Variants in DNAJA2 observed in about 807,000 individuals in gnomAD.
DNAJA2 encodes the protein DnaJ heat shock protein family (Hsp40) member A2, also known as dnaJ homolog subfamily A member 2.
DNAJA2 carries 6 observed loss-of-function variants against 49.3 expected under a neutral mutation model. That is an observed-to-expected ratio of 0.12 (90% CI 0.07 to 0.24). The LOEUF is 0.24. Ranked by LOEUF, DNAJA2 falls within the 10% of genes least tolerant of loss-of-function variation. The pLI, the probability that DNAJA2 is intolerant of heterozygous loss-of-function variation, is 1.00. For synonymous variants in DNAJA2, 160 were observed against 172.7 expected (o/e 0.93, Z 0.58); for missense variants, 347 against 516.8 (o/e 0.67, Z 3.19).
chr16:46,970,232 G>A (rs1168803997), intron 3 of DNAJA2, among the ~76,000 whole-genome samples: 1 of 152,196 alleles, frequency 6.6e-6, no homozygotes, highest in Non-Finnish European at 1.5e-5. Context: ...ATACTGGAGA[G>A]GGCTTGTGGA....
intron 3 of DNAJA2, among the ~76,000 whole-genome samples, chr16:46,969,079 T>C (rs1367388674): frequency 6.6e-6 from 1 of 152,132 alleles, no homozygotes; most frequent in Non-Finnish European, 1.5e-5. Flanking sequence ...GGCATCATGA[T>C]GGTGCTCAAA....
intron 6 of DNAJA2, among the ~76,000 whole-genome samples, chr16:46,961,939 GAC>G (rs1423466497): frequency 2.0e-5 from 3 of 151,436 alleles, no homozygotes; most frequent in Non-Finnish European, 4.4e-5. Flanking sequence ...AGACCACCGA[GAC>G]ACACAAACAG....
At chr16:46,965,005 A>T (rs1020886116) in intron 5 of DNAJA2, among the ~76,000 whole-genome samples, 198 bp from the exon 6 acceptor site, 2 of 152,084 alleles carry the variant, frequency 1.3e-5, no homozygotes, top group African/African-American at 2.4e-5. Flanking sequence ...GGATCACTTG[A>T]GCTCAGGATC....
chr16:46,960,857 T>C (rs1051830512), intron 6 of DNAJA2, among the ~76,000 whole-genome samples: 1 of 151,122 alleles, frequency 6.6e-6, no homozygotes, highest in African/African-American at 2.4e-5. Context: ...AACAGCAACA[T>C]AGGGAGACAA....
intron 6 of DNAJA2, among the ~76,000 whole-genome samples, chr16:46,960,180 C>G (rs1484735511): frequency 6.6e-6 from 1 of 152,210 alleles, no homozygotes; most frequent in Non-Finnish European, 1.5e-5. Context: ...CTATGTTACT[C>G]TCCTAAATTT....
intron 4 of DNAJA2, 60 bp from the exon 5 acceptor site, chr16:46,967,706 G>T: frequency 1.2e-6 from 2 of 1,603,638 alleles, no homozygotes; most frequent in Middle Eastern, 1.7e-4. Context: ...AATAAGCTAT[G>T]ACACACAGAA....
rs142166711 is a variant in DNAJA2, at chr16:46,958,617, C to A, written c.1047+386G>T. 581 of 162,006 alleles carry A rather than the reference C, an allele frequency of 3.6e-3. 3 individuals carry two copies. The highest frequency in any genetic ancestry group is 5.2e-3 in the Non-Finnish European group (393 of 75,902). 10.0% of individuals were successfully genotyped at this position (162,006 alleles called of 1,614,324 possible). On this transcript the variant is annotated intron_variant, in intron 8 of 8. Transcript: ENST00000317089. Reference sequence around the variant, plus strand: ...AAAAACCCCATAAACAAACAAACAACAACAACAACAAACTTACCAGGCATC... The same window carrying A: ...AAAAACCCCATAAACAAACAAACAAAAACAACAACAAACTTACCAGGCATC...
intron 8 of DNAJA2, chr16:46,958,720 A>C: frequency 3.6e-6 from 1 of 280,628 alleles, no homozygotes; most frequent in Non-Finnish European, 6.6e-6. Context: ...CGGGGGGTAC[A>C]GTGAGCCGAG....
chr16:46,963,528 A>AC (rs1171647130), intron 6 of DNAJA2, among the ~76,000 whole-genome samples: 2 of 150,682 alleles, frequency 1.3e-5, no homozygotes, highest in South Asian at 2.1e-4. Flanking sequence ...AAAAAAAAAA[A>AC]CCCCAAAAAA....
chr16:46,973,413 G>A (rs1240490400), intron 1 of DNAJA2, 82 bp downstream of exon 1: 4 of 1,372,456 alleles, frequency 2.9e-6, no homozygotes, highest in Non-Finnish European at 3.8e-6. Flanking sequence ...GGGCAGCCCA[G>A]TAGCGCGGCC....
intron 6 of DNAJA2, among the ~76,000 whole-genome samples, chr16:46,964,207 C>T (rs1961937138): frequency 6.6e-6 from 1 of 152,110 alleles, no homozygotes; most frequent in African/African-American, 2.4e-5. Flanking sequence ...AAGCCTGTCT[C>T]TACTAAAAAT....
rs778151739 is a variant in DNAJA2, at chr16:46,959,182, T to G, written c.920-52A>C. 5.8e-6 allele frequency: 9 copies of G among 1,564,272 alleles called. No homozygotes were observed. The African/African-American group carries it at 1.1e-4, about 19-fold the overall frequency. On this transcript the variant is annotated intron_variant, in intron 7 of 8. Coordinates refer to ENST00000317089, the MANE Select transcript of DNAJA2 (RefSeq NM_005880.4). ...AATTTTACCCAAAAGAGGTGTTCAA[T>G]TTTTTTTAGAGTTATGCAGTATAAA...
At chr16:46,964,301 G>A (rs1961938946) in intron 6 of DNAJA2, among the ~76,000 whole-genome samples, 1 of 152,168 alleles carries the variant, frequency 6.6e-6, no homozygotes, top group African/African-American at 2.4e-5. Flanking sequence ...GAACCCGGGA[G>A]GCAGAGGTTG....
rs1961801342 is a variant in DNAJA2, at chr16:46,955,864, T to G, written c.*1165A>C. On this transcript the variant is annotated 3_prime_UTR_variant, in exon 9 of 9. Coordinates refer to ENST00000317089, the MANE Select transcript of DNAJA2 (RefSeq NM_005880.4). ...TTTTCTCAAACCAGCCTTTTTTTTT[T>G]GCTTATTTTTAGTTTGAAATATAAA... 1 of 152,142 alleles carries G rather than the reference T, an allele frequency of 6.6e-6. No individual in the cohort carries two copies. The highest frequency in any genetic ancestry group is 1.5e-5 in the Non-Finnish European group (1 of 68,028). 9.4% of individuals were successfully genotyped at this position (152,142 alleles called of 1,614,324 possible). A position where few individuals can be genotyped will look rare whatever the true frequency, so the allele number is the denominator to read the frequency against.
Position 46,968,372 on chromosome 16 carries a change from A to G in DNAJA2, c.363-208T>C, listed in dbSNP as rs193282672. 3.2e-3 allele frequency among the ~76,000 whole-genome samples: 484 copies of G among 152,348 alleles called. 14 individuals are homozygous for G. The East Asian group carries it at 0.077, about 24-fold the overall frequency. ...TTTTATGACTACAGACAGTACATAT[A>G]TGATACCCAAAGCCAGAGCCTATAG... On this transcript the variant is annotated intron_variant, in intron 3 of 8. Coordinates refer to ENST00000317089, the MANE Select transcript of DNAJA2 (RefSeq NM_005880.4).
intron 6 of DNAJA2, 44 bp from the exon 7 acceptor site, chr16:46,959,463 G>A (rs1300625984): frequency 1.9e-6 from 3 of 1,540,018 alleles, no homozygotes; most frequent in Admixed American, 1.7e-5. Context: ...TAAAAATTAT[G>A]GAGGTACACC....
intron 5 of DNAJA2, among the ~76,000 whole-genome samples, chr16:46,965,471 A>T (rs191036108): frequency 4.2e-4 from 64 of 152,316 alleles, no homozygotes; most frequent in Non-Finnish European, 3.2e-4. Context: ...TGTATAACTG[A>T]TTATTTAGGG....
At chr16:46,958,585 C>A (rs376304273) in intron 8 of DNAJA2, 1,827 of 144,638 alleles carry the variant, frequency 0.013, 33 homozygotes, top group South Asian at 0.023. Flanking sequence ...CAAAAACAAA[C>A]AAACAAAAAA....
At position 46,971,505 on chromosome 16, in the gene DNAJA2, T is replaced by C; in HGVS notation, c.206A>G (p.Tyr69Cys). Residue 69 changes from tyrosine (Y) to cysteine (C), a missense_variant, in exon 3 of 9, where the codon TAC (tyrosine) becomes TGC (cysteine). Tyr to Cys is a radical substitution (Grantham distance 194). Transcript: ENST00000317089. ...NPEKRELYDR[Y>C]GEQGLREGSG... ...GCCTTCCCGAAGACCTTGCTCTCCG[T>C]ATCTGTCATATAACTCACGCTTCTC... 3 of 1,613,788 alleles carry C rather than the reference T, an allele frequency of 1.9e-6. No homozygotes were observed. The highest frequency in any genetic ancestry group is 2.5e-6 in the Non-Finnish European group (3 of 1,179,922).
Sources: allele counts gnomAD v4.1 joint callset (sites outside exome capture counted in the v4.1 genomes callset), GRCh38; gene constraint gnomAD v4.1.1; transcripts MANE v1.5; gene names NCBI Gene and HGNC (gene_info 2026-07-23, HGNC 2026-07-21).